Variants in LRRC37A2 observed in about 807,000 individuals in gnomAD.
LRRC37A2 encodes the protein leucine rich repeat containing 37 member A2, also known as leucine-rich repeat-containing protein 37A2.
In LRRC37A2, 9 loss-of-function variants were observed where a neutral mutation model predicts 68.8. That is an observed-to-expected ratio of 0.13 (90% confidence interval 0.08 to 0.23). The LOEUF is 0.23. LRRC37A2 is among the 10% of genes least tolerant of loss of function. LRRC37A2 has a pLI of 1.00. For synonymous variants in LRRC37A2, 63 were observed against 367.6 expected (o/e 0.17, Z 9.48); for missense variants, 168 against 950.4 (o/e 0.18, Z 10.82).
the LRRC37A2 span, among the ~76,000 whole-genome samples, chr17:46,919,526 G>A: frequency 6.6e-6 from 1 of 152,006 alleles, no homozygotes. Flanking sequence ...GAGACCCAAA[G>A]GAAAACAAGA....
intron 6 of LRRC37A2, among the ~76,000 whole-genome samples, chr17:46,533,218 G>A (rs1445314019): frequency 6.9e-5 from 7 of 100,836 alleles, no homozygotes; most frequent in Admixed American, 6.2e-4. Flanking sequence ...AGGAGTTTGA[G>A]ACCAGCCTGG....
the LRRC37A2 span, among the ~76,000 whole-genome samples, chr17:46,488,745 C>T: frequency 2.8e-5 from 4 of 141,412 alleles, no homozygotes; most frequent in Non-Finnish European, 6.1e-5. Flanking sequence ...CATCCCGAAA[C>T]CACCTCCTCC....
chr17:46,781,339 A>G, the LRRC37A2 span, among the ~76,000 whole-genome samples: 1 of 151,908 alleles, frequency 6.6e-6, no homozygotes, highest in Non-Finnish European at 1.5e-5. Context: ...AAGAACAAAT[A>G]CTGTATGATT....
the LRRC37A2 span, among the ~76,000 whole-genome samples, chr17:46,992,853 C>CAAAAAAAAAAAAAAAAAAAAA: frequency 1.5e-5 from 1 of 65,168 alleles, no homozygotes; most frequent in Non-Finnish European, 2.6e-5. Context: ...AACTCCATCT[C>CAAAAAAAAAAAAAAAAAAAAA]AAAAAAAAAA....
At chr17:46,884,337 C>T in the LRRC37A2 span, among the ~76,000 whole-genome samples, 2 of 152,266 alleles carry the variant, frequency 1.3e-5, no homozygotes, top group South Asian at 4.1e-4. Flanking sequence ...CGGGAGATGT[C>T]AGAGCTGCGC....
the LRRC37A2 span, chr17:46,876,848 G>T: frequency 7.0e-7 from 1 of 1,425,294 alleles, no homozygotes; most frequent in South Asian, 1.6e-5. Context: ...CAATGCACAC[G>T]AGTGTGCCAC....
At chr17:46,978,814 G>A in the LRRC37A2 span, 33 of 1,610,474 alleles carry the variant, frequency 2.0e-5, no homozygotes, top group Non-Finnish European at 2.0e-5. Flanking sequence ...CGCCACCCGC[G>A]ACACCCACAG....
chr17:46,726,663 A>G, the LRRC37A2 span: 22 of 1,475,342 alleles, frequency 1.5e-5, no homozygotes, highest in Non-Finnish European at 2.1e-5. Context: ...CATTACAGCT[A>G]ATATCTCAAA....
At chr17:46,923,191 A>C in the LRRC37A2 span, 1 of 1,544,738 alleles carries the variant, frequency 6.5e-7, no homozygotes, top group Non-Finnish European at 8.8e-7. Context: ...GGGGCCGGCG[A>C]CATGGATCCC....
chr17:46,896,446 G>A, the LRRC37A2 span, among the ~76,000 whole-genome samples: 1 of 86,534 alleles, frequency 1.2e-5, no homozygotes, highest in South Asian at 3.8e-4. Flanking sequence ...AAGAAAGAAA[G>A]AAAGAAAAAG....
At chr17:46,555,693 A>AT, downstream of LRRC37A2, 7 of 431,456 alleles carry the variant, frequency 1.6e-5, no homozygotes, top group South Asian at 1.7e-4. Context: ...GAAACAAAGC[A>AT]TTTTTTAAAA....
At chr17:46,762,132 G>A in the LRRC37A2 span, among the ~76,000 whole-genome samples, 1 of 152,234 alleles carries the variant, frequency 6.6e-6, no homozygotes, top group Non-Finnish European at 1.5e-5. Context: ...TGAAAACGTG[G>A]TGAGGAGGGG....
chr17:46,490,585 G>A, the LRRC37A2 span, among the ~76,000 whole-genome samples: 2 of 150,328 alleles, frequency 1.3e-5, no homozygotes, highest in Admixed American at 6.6e-5. Flanking sequence ...TTAGCCGGGC[G>A]TGGTGGTAGG....
chr17:46,946,059 C>T, the LRRC37A2 span, among the ~76,000 whole-genome samples: 1 of 152,122 alleles, frequency 6.6e-6, no homozygotes, highest in South Asian at 2.1e-4. Context: ...GGCTGAATTC[C>T]AGAACAGCAG....
the LRRC37A2 span, chr17:46,937,241 T>C: frequency 6.6e-6 from 1 of 152,214 alleles, no homozygotes; most frequent in Non-Finnish European, 1.5e-5. Context: ...TGTTGGTGTC[T>C]TTCCGTCTTT....
At chr17:46,401,456 CAG>C in the LRRC37A2 span, among the ~76,000 whole-genome samples, 1 of 128,864 alleles carries the variant, frequency 7.8e-6, no homozygotes, top group South Asian at 3.0e-4. Context: ...AGGGATGGAA[CAG>C]GGGTTAGTGG....
chr17:46,830,648 A>G, the LRRC37A2 span: 6 of 398,492 alleles, frequency 1.5e-5, no homozygotes, highest in African/African-American at 2.1e-5. Flanking sequence ...GAAAATCTGA[A>G]ATGAAAATCT....
chr17:46,889,179 T>C, the LRRC37A2 span, among the ~76,000 whole-genome samples: 1 of 152,014 alleles, frequency 6.6e-6, no homozygotes, highest in East Asian at 1.9e-4. Flanking sequence ...ATTTTGAAAA[T>C]CTGATTTCCA....
chr17:46,722,287 C>A, the LRRC37A2 span: 9 of 788,040 alleles, frequency 1.1e-5, 1 homozygote, highest in Non-Finnish European at 2.0e-5. Context: ...AGATACGGTT[C>A]TTACCTTCTT....
Sources: allele counts gnomAD v4.1 joint callset (sites outside exome capture counted in the v4.1 genomes callset), GRCh38; gene constraint gnomAD v4.1.1; transcripts MANE v1.5; gene names NCBI Gene and HGNC (gene_info 2026-07-23, HGNC 2026-07-21).